The following CASZ1 variants were observed in gnomAD, a reference collection of about 807,000 sequenced individuals.
The protein encoded by CASZ1 is zinc finger protein castor homolog 1.
In CASZ1, 28 loss-of-function variants were observed where a neutral mutation model predicts 135.2. The observed-to-expected ratio is 0.21, with a 90% CI of 0.15 to 0.28. The LOEUF (loss-of-function observed/expected upper bound fraction) is 0.28. Ranked by LOEUF, CASZ1 falls within the 10% of genes least tolerant of loss-of-function variation. CASZ1 has a pLI of 1.00. For synonymous variants in CASZ1, 1,068 were observed against 1,073.4 expected (o/e 0.99, Z 0.10); for missense variants, 2,161 against 2,453.3 (o/e 0.88, Z 2.52).
At chr1:10,722,239 A>G (rs1418012879) in intron 2 of CASZ1, among the ~76,000 whole-genome samples, 2 of 152,238 alleles carry the variant, frequency 1.3e-5, no homozygotes, top group Non-Finnish European at 2.9e-5. Flanking sequence ...GAGAACAGGC[A>G]GGAGAGTGAG....
In CASZ1 at chr1:10,754,679, C is replaced by T. The variant is rs556401380; in HGVS notation, c.-77+6022G>A. 3.9e-5 allele frequency among the ~76,000 whole-genome samples: 6 copies of T among 152,318 alleles called. No individual in the cohort carries two copies. The East Asian group carries it at 5.8e-4, about 15-fold the overall frequency. On this transcript the variant is annotated intron_variant, in intron 2 of 20. Transcript: ENST00000377022. ...TCTCTGTGTCACCAGACCTCCTCCC[C>T]GCAGCTGGGACCGATCCTCTCTCTG... is the stretch of plus-strand genomic sequence containing the variant.
At chr1:10,729,508 C>A (rs986004592) in intron 2 of CASZ1, among the ~76,000 whole-genome samples, 58 of 152,280 alleles carry the variant, frequency 3.8e-4, no homozygotes, top group African/African-American at 1.1e-3. Flanking sequence ...CACCATCAGG[C>A]CAAGAACTCA....
intron 1 of CASZ1, among the ~76,000 whole-genome samples, chr1:10,790,024 T>C (rs1423253892): frequency 6.6e-6 from 1 of 152,196 alleles, no homozygotes; most frequent in Non-Finnish European, 1.5e-5. Flanking sequence ...CTCCTGCTGC[T>C]GGCACACCAG....
chr1:10,746,196 G>T (rs1449272512), intron 2 of CASZ1, among the ~76,000 whole-genome samples: 1 of 152,228 alleles, frequency 6.6e-6, no homozygotes, highest in Non-Finnish European at 1.5e-5. Flanking sequence ...TGAAGAGAGT[G>T]ACAAGGAGGC....
At position 10,699,131 on chromosome 1, in the gene CASZ1, C is replaced by A. The variant is rs910735854; in HGVS notation, c.-23-5219G>T. Among the ~76,000 whole-genome samples, 1 of 152,186 alleles carries A rather than the reference C, an allele frequency of 6.6e-6. No homozygotes were observed. The highest frequency in any genetic ancestry group is 2.4e-5 in the African/African-American group (1 of 41,446). ...AGGGCGTTCTCAGGGGCCCATGAGG[C>A]CTGGCAGGGTACCAGCCTTCGGGGA... On this transcript the variant is annotated intron_variant, in intron 3 of 20. Transcript: ENST00000377022. The surrounding 1 kb of genome is among the most constrained non-coding windows in gnomAD (Gnocchi z 4.6).
rs1553138511 is a variant in CASZ1 at position 10,741,790 on chromosome 1, T to TTATATTTTTATA, written c.-77+18910_-77+18911insTATAAAAATATA. On this transcript the variant is annotated intron_variant, in intron 2 of 20. Transcript: ENST00000377022. The surrounding 1 kb of genome is among the most constrained non-coding windows in gnomAD (Gnocchi z 5.0). ...CTTTACAAACGACTTTTATACATATTTATATATATATATAGTTATATATTA... is the reference window on the plus strand; with the variant it reads ...CTTTACAAACGACTTTTATACATATTTATATTTTTATATATATATATATATAGTTATATATTA... 6.8e-4 allele frequency among the ~76,000 whole-genome samples: 103 copies of TTATATTTTTATA among 151,280 alleles called. 2 individuals are homozygous for TTATATTTTTATA. In the East Asian group the frequency reaches 0.012, roughly 18 times the overall value.
chr1:10,706,389 CCTGCAGGCCTCA>C lies in CASZ1; in HGVS notation c.-76-857_-76-846del, dbSNP rs1639173799. 6.6e-6 allele frequency among the ~76,000 whole-genome samples: 1 copy of C among 152,206 alleles called. No homozygotes were observed. The highest frequency in any genetic ancestry group is 1.9e-4 in the East Asian group (1 of 5,182). On this transcript the variant is annotated intron_variant, in intron 2 of 20. Transcript: ENST00000377022. The surrounding 1 kb of genome is among the most constrained non-coding windows in gnomAD (Gnocchi z 4.3). ...ACCCTTGCTCAAGCCAGGCCCTGCCCCTGCAGGCCTCAGAACCCTATCCAGGCTTGGGGAGGG... is the reference window on the plus strand; with the variant it reads ...ACCCTTGCTCAAGCCAGGCCCTGCCCGAACCCTATCCAGGCTTGGGGAGGG...
intron 4 of CASZ1, among the ~76,000 whole-genome samples, chr1:10,678,769 C>T (rs1638319850): frequency 6.6e-6 from 1 of 152,076 alleles, no homozygotes; most frequent in Non-Finnish European, 1.5e-5. Flanking sequence ...CCGTCCCCCG[C>T]CTGACAGACG....
intron 2 of CASZ1, among the ~76,000 whole-genome samples, chr1:10,740,968 A>G (rs1204621419): frequency 4.5e-5 from 6 of 133,616 alleles, no homozygotes; most frequent in African/African-American, 1.8e-4. Flanking sequence ...GACAAAAAAA[A>G]AAAAAAAAAG....
In CASZ1 at chr1:10,724,048, T is replaced by C. The variant is rs147507443; in HGVS notation, c.-76-18504A>G. ...ACTTTGGATTCCTGGTGAGGACAAG[T>C]CCAGTTTTCCAAACCGACCTTGGAG... is the stretch of plus-strand genomic sequence containing the variant. On this transcript the variant is annotated intron_variant, in intron 2 of 20. Transcript: ENST00000377022. The surrounding 1 kb of genome is among the most constrained non-coding windows in gnomAD (Gnocchi z 4.1). 8.7e-3 allele frequency among the ~76,000 whole-genome samples: 1,328 copies of C among 152,252 alleles called. 12 individuals carry two copies. The highest frequency in any genetic ancestry group is 0.015 in the Non-Finnish European group (1,003 of 68,002).
At chr1:10,654,854 T>C (rs2242287) in intron 9 of CASZ1, among the ~76,000 whole-genome samples, 28,630 of 152,176 alleles carry the variant, frequency 0.19, 2,878 homozygotes, top group Middle Eastern at 0.26. Flanking sequence ...CTCCGGAGAC[T>C]CAGGGCACTT....
At position 10,665,279 on chromosome 1, in the gene CASZ1, T is replaced by C; in HGVS notation, c.309A>G (p.Thr103=). The change falls in exon 5 of 21, where the codon ACA becomes ACG. Residue 103 remains threonine (T), a synonymous_variant. Coordinates refer to ENST00000377022, the MANE Select transcript of CASZ1 (RefSeq NM_001079843.3). ...NGEYSEEPAP[T]PVLGRIAREG... ...CGCGGGCAATCCGCCCCAACACGGGTGTGGGTGCCGGCTCCTCGCTGTACT... is the reference window on the plus strand; with the variant it reads ...CGCGGGCAATCCGCCCCAACACGGGCGTGGGTGCCGGCTCCTCGCTGTACT... The C allele has an allele frequency of 1.2e-6, 2 of 1,611,882 alleles. No homozygotes were observed. Among genetic ancestry groups the C allele is most frequent in the Non-Finnish European group, 1.7e-6 (2 of 1,178,710 alleles).
At chr1:10,750,557 T>C (rs72862905) in intron 2 of CASZ1, among the ~76,000 whole-genome samples, 149,654 of 152,158 alleles carry the variant, frequency 0.98, 73,601 homozygotes, top group East Asian at 1. Context: ...CGTGAGCCAC[T>C]GTGCCCAGCC....
chr1:10,742,677 G>A (rs1639946388), intron 2 of CASZ1, among the ~76,000 whole-genome samples: 1 of 152,154 alleles, frequency 6.6e-6, no homozygotes, highest in African/African-American at 2.4e-5. Flanking sequence ...AAGGGGAATG[G>A]GTTGGTGAGG....
At chr1:10,652,984 A>T in intron 11 of CASZ1, 1 of 282,360 alleles carries the variant, frequency 3.5e-6, no homozygotes, top group Non-Finnish European at 7.0e-6. Flanking sequence ...GCCCTGCTCC[A>T]GGTCAGCTGG....
rs12026466 is a variant in CASZ1 at position 10,743,472 on chromosome 1, G to T, written c.-77+17229C>A. On this transcript the variant is annotated intron_variant, in intron 2 of 20. Coordinates refer to ENST00000377022, the MANE Select transcript of CASZ1 (RefSeq NM_001079843.3). ...ACCGAGAACCTTCTAAGTGTACCCC[G>T]GCATCCTCCACGTAGAGACCTGTAC... Among the ~76,000 whole-genome samples, 222 of 151,692 alleles carry T rather than the reference G, an allele frequency of 1.5e-3. 2 individuals carry two copies. Among genetic ancestry groups the T allele is most frequent in the African/African-American group, 4.9e-3 (204 of 41,356 alleles).
Position 10,794,736 on chromosome 1 carries a change from G to GA in CASZ1, c.-234+1827dup, listed in dbSNP as rs1641030836. On this transcript the variant is annotated intron_variant, in intron 1 of 20. Transcript: ENST00000377022. The surrounding 1 kb of genome is among the most constrained non-coding windows in gnomAD (Gnocchi z 5.6). ...GAAGAATCTGCGCCCACCCCTTAGAGAAAAATCTATTATTATTATCTTAAT... is the reference window on the plus strand; with the variant it reads ...GAAGAATCTGCGCCCACCCCTTAGAGAAAAAATCTATTATTATTATCTTAAT... Among the ~76,000 whole-genome samples, 1 of 152,210 alleles carries GA rather than the reference G, an allele frequency of 6.6e-6. No homozygotes were observed. Among genetic ancestry groups the GA allele is most frequent in the African/African-American group, 2.4e-5 (1 of 41,454 alleles).
chr1:10,795,905 C>T (rs1641058323), intron 1 of CASZ1, among the ~76,000 whole-genome samples: 1 of 152,182 alleles, frequency 6.6e-6, no homozygotes, highest in African/African-American at 2.4e-5. Context: ...CTGCTGGCAG[C>T]ACCTACACCC....
chr1:10,695,021 G>T (rs1638898495), intron 3 of CASZ1, among the ~76,000 whole-genome samples: 1 of 149,466 alleles, frequency 6.7e-6, no homozygotes, highest in South Asian at 2.1e-4. Context: ...GCGGGCGCAG[G>T]TGTGAGGCGC....
Sources: allele counts gnomAD v4.1 joint callset (sites outside exome capture counted in the v4.1 genomes callset), GRCh38; gene constraint gnomAD v4.1.1; non-coding constraint Gnocchi (gnomAD v3.1); transcripts MANE v1.5; gene names NCBI Gene and HGNC (gene_info 2026-07-23, HGNC 2026-07-21).